Variants in BCL11A observed in about 807,000 individuals in gnomAD.
BCL11A encodes the protein B cell CLL/lymphoma 11A.
Under a neutral mutation model 55.9 loss-of-function variants are expected in BCL11A, and 2 were observed. The observed-to-expected ratio is 0.04, with a 90% CI of 0.01 to 0.11. The LOEUF (loss-of-function observed/expected upper bound fraction) is 0.11. Among genes scored for constraint, BCL11A ranks in the 10% least tolerant of loss-of-function variants. The pLI is 1.00. For synonymous variants in BCL11A, 465 were observed against 473.4 expected, an observed-to-expected ratio of 0.98 and a Z score of 0.23; for missense variants, 817 against 1,137.1, an observed-to-expected ratio of 0.72 and a Z score of 4.05.
chr2:60,496,009 A>G (rs796265347), intron 2 of BCL11A, among the ~76,000 whole-genome samples: 38 of 152,352 alleles, frequency 2.5e-4, no homozygotes, highest in African/African-American at 8.7e-4. Context: ...GGAAAAGAGA[A>G]CAAACAAACC....
intron 2 of BCL11A, among the ~76,000 whole-genome samples, chr2:60,521,381 C>A (rs905442152): frequency 1.3e-5 from 2 of 152,220 alleles, no homozygotes; most frequent in Non-Finnish European, 2.9e-5. Context: ...GGGCCTGGGT[C>A]TGGGAATGGT....
intron 3 of BCL11A, 133 bp downstream of exon 3, chr2:60,468,599 G>A (rs1677023008): frequency 1.1e-5 from 7 of 622,306 alleles, no homozygotes; most frequent in Non-Finnish European, 1.9e-5. Flanking sequence ...GCTGCCAAGT[G>A]AGTAATGGAA....
chr2:60,463,536 C>T (rs1271227100), intron 3 of BCL11A, among the ~76,000 whole-genome samples: 2 of 152,228 alleles, frequency 1.3e-5, no homozygotes, highest in Non-Finnish European at 2.9e-5. Flanking sequence ...GAGAGGGGCC[C>T]TGCTTAAGTC....
chr2:60,465,564 A>C lies in BCL11A; in HGVS notation c.488-3140T>G, dbSNP rs964942231. On this transcript the variant is annotated intron_variant, in intron 3 of 3. Transcript: ENST00000642384. ...ATTTCTAGTATGTCACCAATGTGAAAAAGTCATGTGATCTAAGCCTCAAGA... is the reference window on the plus strand; with the variant it reads ...ATTTCTAGTATGTCACCAATGTGAACAAGTCATGTGATCTAAGCCTCAAGA... Among the ~76,000 whole-genome samples, 46 of 152,168 alleles carry C rather than the reference A, an allele frequency of 3.0e-4. 1 individual carries two copies. Among genetic ancestry groups the C allele is most frequent in the African/African-American group, 1.1e-3 (46 of 41,440 alleles).
In BCL11A at chr2:60,481,422, C is replaced by T. The variant is rs58210936; in HGVS notation, c.386-12589G>A. ...CCAGGCCCTTCGCACCTCTGCTTTG[C>T]GGCTTTAACGCACTACACCCCACCC... On this transcript the variant is annotated intron_variant, in intron 2 of 3. Transcript: ENST00000642384. Among the ~76,000 whole-genome samples, 40 of 152,278 alleles carry T rather than the reference C, an allele frequency of 2.6e-4. No homozygotes were observed. In the East Asian group the frequency reaches 7.5e-3, roughly 29 times the overall value.
rs755867951 is a variant in BCL11A, at chr2:60,546,326, A to G, written c.56-26T>C. The G allele has an allele frequency of 5.0e-6, 8 of 1,596,046 alleles. No individual in the cohort carries two copies. Among genetic ancestry groups the G allele is most frequent in the South Asian group, 4.4e-5 (4 of 90,034 alleles). ...CTGTGGTTGGAGAAACAAAAGCACA[A>G]TTATTAGAGTGCCAGAGAGGACAGA... On this transcript the variant is annotated intron_variant, in intron 1 of 3. Coordinates refer to ENST00000642384, the MANE Select transcript of BCL11A (RefSeq NM_022893.4). The surrounding 1 kb of genome is among the most constrained non-coding windows in gnomAD (Gnocchi z 4.1).
chr2:60,544,799 A>G (rs925033586), intron 2 of BCL11A: 7 of 152,270 alleles, frequency 4.6e-5, no homozygotes, highest in African/African-American at 1.7e-4. Flanking sequence ...ACCAACAGGC[A>G]TGGCATGTCT....
At chr2:60,511,544 CCTT>C (rs1250432692) in intron 2 of BCL11A, among the ~76,000 whole-genome samples, 14 of 151,418 alleles carry the variant, frequency 9.2e-5, no homozygotes, top group Admixed American at 5.9e-4. Context: ...CTTTTTTTTT[CCTT>C]CTTCTTTTTT....
chr2:60,500,872 G>C (rs750577865), intron 2 of BCL11A, among the ~76,000 whole-genome samples: 33 of 152,308 alleles, frequency 2.2e-4, no homozygotes, highest in African/African-American at 6.3e-4. Flanking sequence ...TTCTTCACTG[G>C]TAAAATGTGT....
rs149882379 is a variant in BCL11A, at chr2:60,513,250, C to T, written c.385+32721G>A. Among the ~76,000 whole-genome samples, 207 of 152,262 alleles carry T rather than the reference C, an allele frequency of 1.4e-3. 3 individuals are homozygous for T. The highest frequency in any genetic ancestry group is 2.4e-3 in the Admixed American group (37 of 15,298). ...TTTCAGGTACATCCCCATCATGCCC[C>T]GGACTCCAGTCTCTGCAGCTGACAC... On this transcript the variant is annotated intron_variant, in intron 2 of 3. Coordinates refer to ENST00000642384, the MANE Select transcript of BCL11A (RefSeq NM_022893.4).
At chr2:60,455,375 G>A (rs888218747), downstream of BCL11A, among the ~76,000 whole-genome samples, 2 of 151,906 alleles carry the variant, frequency 1.3e-5, no homozygotes, top group Non-Finnish European at 2.9e-5. Context: ...TTAGAGTTCT[G>A]GATACAAAAT....
At chr2:60,454,441 ATTTTT>A (rs200179157), downstream of BCL11A, among the ~76,000 whole-genome samples, 5 of 150,022 alleles carry the variant, frequency 3.3e-5, no homozygotes, top group Admixed American at 6.6e-5. Context: ...AGTTCCCACA[ATTTTT>A]TTTTTATGGG....
intron 2 of BCL11A, among the ~76,000 whole-genome samples, chr2:60,474,682 T>G (rs149202776): frequency 1.1e-4 from 16 of 152,248 alleles, no homozygotes; most frequent in Non-Finnish European, 2.1e-4. Flanking sequence ...TACCTCACTA[T>G]GCAAAATGTG....
intron 1 of BCL11A, chr2:60,551,071 C>T: frequency 2.5e-6 from 1 of 397,122 alleles, no homozygotes; most frequent in Non-Finnish European, 4.4e-6. Context: ...ATTCCCTGTG[C>T]GCACCCCCCA....
At chr2:60,514,634 C>T (rs1469627691) in intron 2 of BCL11A, among the ~76,000 whole-genome samples, 1 of 150,992 alleles carries the variant, frequency 6.6e-6, no homozygotes, top group Non-Finnish European at 1.5e-5. Flanking sequence ...TAGCACTGCA[C>T]TCCAGCCTGG....
Position 60,460,750 on chromosome 2 carries a change from C to G in BCL11A, c.2162G>C (p.Ser721Thr). The change falls in exon 4 of 4, where the codon AGC (serine) becomes ACC (threonine). Residue 721 changes from serine (S) to threonine (T), a missense_variant. This residue lies in a region of BCL11A where 379 missense variants were observed against 425.3 expected (regional missense o/e 0.89). Transcript: ENST00000642384. ...SGRSGTGSGG[S>T]TPHISGPGPG... is the part of the protein sequence containing the mutation. ...GCCCGGACCACTAATATGGGGCGTG[C>G]TCCCTCCACTTCCCGTGCCGCTGCG... is the stretch of plus-strand genomic sequence containing the variant. 1 of 1,613,978 alleles carries G rather than the reference C, an allele frequency of 6.2e-7. No homozygotes were observed. The highest frequency in any genetic ancestry group is 8.5e-7 in the Non-Finnish European group (1 of 1,180,040).
At chr2:60,519,440 C>A (rs1023163044) in intron 2 of BCL11A, among the ~76,000 whole-genome samples, 2 of 152,044 alleles carry the variant, frequency 1.3e-5, no homozygotes, top group Non-Finnish European at 1.5e-5. Context: ...TTATGCAGTG[C>A]CAAAAATGTG....
At chr2:60,544,628 C>G (rs905478794) in intron 2 of BCL11A, 2 of 152,192 alleles carry the variant, frequency 1.3e-5, no homozygotes, top group Non-Finnish European at 2.9e-5. Context: ...ATTTAATCCC[C>G]TCTAGACCAC....
At chr2:60,476,221 C>T (rs1677586801) in intron 2 of BCL11A, among the ~76,000 whole-genome samples, 1 of 152,156 alleles carries the variant, frequency 6.6e-6, no homozygotes, top group South Asian at 2.1e-4. Context: ...AGAGAGTGAG[C>T]CTGATGATGG....
Sources: allele counts gnomAD v4.1 joint callset (sites outside exome capture counted in the v4.1 genomes callset), GRCh38; gene constraint gnomAD v4.1.1; regional missense constraint gnomAD v4.1.1; non-coding constraint Gnocchi (gnomAD v3.1); transcripts MANE v1.5; gene names NCBI Gene and HGNC (gene_info 2026-07-23, HGNC 2026-07-21).